Variants in COL5A2 observed in about 807,000 individuals in gnomAD.
COL5A2 encodes the protein collagen type V alpha 2 chain, also known as collagen alpha-2(V) chain.
COL5A2 carries 23 observed loss-of-function variants against 208.2 expected under a neutral mutation model. The observed-to-expected ratio is 0.11, with a 90% CI of 0.08 to 0.16. COL5A2 has a LOEUF of 0.16. Among genes scored for constraint, COL5A2 ranks in the 10% least tolerant of loss-of-function variants. The pLI is 1.00. For synonymous variants in COL5A2, 625 were observed against 628.5 expected (o/e 0.99, Z 0.08); for missense variants, 1,590 against 1,956.4 (o/e 0.81, Z 3.53).
At chr2:189,040,790 C>T (rs1358374530) in intron 50 of COL5A2, among the ~76,000 whole-genome samples, 2 of 152,142 alleles carry the variant, frequency 1.3e-5, no homozygotes, top group Non-Finnish European at 2.9e-5. Flanking sequence ...TCAACAGCCA[C>T]ATAAGCTGAA....
intron 1 of COL5A2, among the ~76,000 whole-genome samples, chr2:189,171,551 G>C (rs1264781846): frequency 5.9e-5 from 9 of 152,200 alleles, no homozygotes; most frequent in Non-Finnish European, 1.3e-4. Flanking sequence ...GAATTGTGCT[G>C]ATTGAATGAC....
At chr2:189,338,565 C>A in the COL5A2 span, among the ~76,000 whole-genome samples, 1 of 151,862 alleles carries the variant, frequency 6.6e-6, no homozygotes, top group African/African-American at 2.4e-5. Context: ...TAATAAAATA[C>A]CTGGTTCTTA....
the COL5A2 span, among the ~76,000 whole-genome samples, chr2:189,393,750 C>G: frequency 6.6e-6 from 1 of 152,088 alleles, no homozygotes; most frequent in African/African-American, 2.4e-5. Context: ...TTAGATCTCC[C>G]ATTTCTAAAT....
intron 49 of COL5A2, among the ~76,000 whole-genome samples, chr2:189,042,384 T>C (rs1685579454): frequency 6.6e-6 from 1 of 152,176 alleles, no homozygotes; most frequent in Non-Finnish European, 1.5e-5. Context: ...AAAATCTGTC[T>C]CCACTTCATA....
chr2:189,069,299 G>A (rs1686219720), intron 18 of COL5A2, among the ~76,000 whole-genome samples: 2 of 152,130 alleles, frequency 1.3e-5, no homozygotes, highest in South Asian at 4.1e-4. Context: ...GGCACACTGA[G>A]TCTACTCAAA....
chr2:189,160,540 T>C (rs1476923234), intron 1 of COL5A2, among the ~76,000 whole-genome samples: 4 of 152,228 alleles, frequency 2.6e-5, no homozygotes, highest in South Asian at 4.1e-4. Context: ...CATCCTGTTC[T>C]GACTAGGGTC....
At chr2:189,035,946 G>C (rs1685435778) in intron 52 of COL5A2, among the ~76,000 whole-genome samples, 1 of 151,650 alleles carries the variant, frequency 6.6e-6, no homozygotes, top group Non-Finnish European at 1.5e-5. Context: ...ATAGAAACAG[G>C]GTAGACTGGG....
the COL5A2 span, among the ~76,000 whole-genome samples, chr2:189,252,369 C>T: frequency 6.6e-6 from 1 of 152,312 alleles, no homozygotes; most frequent in African/African-American, 2.4e-5. Context: ...ATCCAAATGT[C>T]CATCAATGAT....
the COL5A2 span, among the ~76,000 whole-genome samples, chr2:189,421,719 T>C: frequency 6.6e-6 from 1 of 152,134 alleles, no homozygotes; most frequent in Non-Finnish European, 1.5e-5. Context: ...AGACTCAATC[T>C]GCAGTCTGCA....
At chr2:189,180,986 G>A (rs1396211485), upstream of COL5A2, among the ~76,000 whole-genome samples, 1 of 152,118 alleles carries the variant, frequency 6.6e-6, no homozygotes, top group Admixed American at 6.5e-5. Flanking sequence ...TAAGCACTGG[G>A]CAGAAAGGAT....
the COL5A2 span, among the ~76,000 whole-genome samples, chr2:189,266,874 A>G: frequency 6.6e-6 from 1 of 152,144 alleles, no homozygotes; most frequent in African/African-American, 2.4e-5. Flanking sequence ...ATAATCTATG[A>G]CCAGTCATTC....
At position 189,043,574 on chromosome 2, in the gene COL5A2, T is replaced by C. The variant is rs190242160; in HGVS notation, c.3364-316A>G. ...TTGATCTAGCCTATCTGAAATGTTT[T>C]TTAAAGATTATGCTTCACATATTTA... On this transcript the variant is annotated intron_variant, in intron 47 of 53. Transcript: ENST00000374866. Among the ~76,000 whole-genome samples the C allele has an allele frequency of 3.9e-5, 6 of 152,286 alleles. No individual in the cohort carries two copies. In the East Asian group the frequency reaches 1.2e-3, roughly 29 times the overall value.
At chr2:189,093,037 G>A (rs745856039) in intron 6 of COL5A2, among the ~76,000 whole-genome samples, 5 of 152,118 alleles carry the variant, frequency 3.3e-5, no homozygotes, top group Admixed American at 1.3e-4. Flanking sequence ...CCCACCCCCA[G>A]AGGAAGACTA....
chr2:189,038,722 C>T (rs1685492118), intron 51 of COL5A2, among the ~76,000 whole-genome samples: 1 of 152,110 alleles, frequency 6.6e-6, no homozygotes. Flanking sequence ...TTTTGAGACA[C>T]AGTCTCGCTC....
intron 7 of COL5A2, among the ~76,000 whole-genome samples, chr2:189,091,955 T>C (rs974059533): frequency 2.0e-5 from 3 of 152,154 alleles, no homozygotes. Flanking sequence ...ACGGAGCAGA[T>C]TTTTTTGGCA....
chr2:189,103,022 G>A (rs1361840179), intron 3 of COL5A2, among the ~76,000 whole-genome samples: 5 of 151,930 alleles, frequency 3.3e-5, no homozygotes, highest in African/African-American at 9.7e-5. Context: ...TCTCTAAGTC[G>A]GGTAACTGCT....
At chr2:189,209,725 C>T (rs1294991267) in intron 1 of COL5A2, among the ~76,000 whole-genome samples, 3 of 152,194 alleles carry the variant, frequency 2.0e-5, no homozygotes, top group Admixed American at 6.5e-5. Context: ...ATCTTACAGA[C>T]TCTTAATTTT....
rs951227833 is a variant in COL5A2 at position 189,045,744 on chromosome 2, A to T, written c.3309+56T>A. The T allele has an allele frequency of 4.4e-6, 6 of 1,350,902 alleles. No individual in the cohort carries two copies. In the African/African-American group the frequency reaches 7.2e-5, roughly 16 times the overall value. The allele number at this position is 1,350,902 out of a possible 1,614,324, so 83.7% of individuals were successfully genotyped here. A position where few individuals can be genotyped will look rare whatever the true frequency, so the allele number is the denominator to read the frequency against. On this transcript the variant is annotated intron_variant, in intron 46 of 53. Coordinates refer to ENST00000374866, the MANE Select transcript of COL5A2 (RefSeq NM_000393.5). ...ATGTGTGTGTGCCTATATGCAGCTT[A>T]TAACATAGCATATGGGTGTGCAAAA...
the COL5A2 span, among the ~76,000 whole-genome samples, chr2:189,391,029 G>A: frequency 1.5e-3 from 235 of 152,276 alleles, 2 homozygotes; most frequent in African/African-American, 5.1e-3. Flanking sequence ...GTTCAAATGC[G>A]AGTTTATTAA....
Sources: allele counts gnomAD v4.1 joint callset (sites outside exome capture counted in the v4.1 genomes callset), GRCh38; gene constraint gnomAD v4.1.1; transcripts MANE v1.5; gene names NCBI Gene and HGNC (gene_info 2026-07-23, HGNC 2026-07-21).